KMT2E: variants seen among roughly 807,000 people sequenced by gnomAD.
KMT2E encodes the protein histone reader KMT2E.
A neutral mutation model predicts 184.6 loss-of-function variants in KMT2E; 30 were observed. That is an observed-to-expected ratio of 0.16 (90% CI 0.12 to 0.22). The LOEUF (loss-of-function observed/expected upper bound fraction) is 0.22, where lower values mean the gene tolerates loss of function less well. Among genes scored for constraint, KMT2E ranks in the 10% least tolerant of loss-of-function variants. The pLI, the probability that KMT2E is intolerant of heterozygous loss-of-function variation, is 1.00. For missense variants in KMT2E, 2,023 were observed against 2,237.4 expected, an observed-to-expected ratio of 0.90 and a Z score of 1.93; for synonymous variants, 815 against 776.5, an observed-to-expected ratio of 1.05 and a Z score of -0.82.
chr7:105,073,702 A>G, intron 7 of KMT2E, 25 bp downstream of exon 7: 1 of 1,456,120 alleles, frequency 6.9e-7, no homozygotes, highest in Non-Finnish European at 9.6e-7. Flanking sequence ...CCTACACTAA[A>G]TTAAAATTCG....
intron 6 of KMT2E, among the ~76,000 whole-genome samples, chr7:105,073,382 G>A (rs1430711482): frequency 6.7e-6 from 1 of 148,650 alleles, no homozygotes; most frequent in African/African-American, 2.5e-5. Flanking sequence ...GGGTGATAGG[G>A]TGAGACCCTG....
rs986666840 is a variant in KMT2E at position 105,113,582 on chromosome 7, G to T, written c.*249G>T. On this transcript the variant is annotated 3_prime_UTR_variant, in exon 27 of 27. Coordinates refer to ENST00000311117, the MANE Select transcript of KMT2E (RefSeq NM_182931.3). ...GTTTTTTTCTGGCAGATCTGATGCT[G>T]ATTTGATGCTGTATGATCTTTTTTT... 5.9e-6 allele frequency: 2 copies of T among 341,856 alleles called. No homozygotes were observed. Among genetic ancestry groups the T allele is most frequent in the Non-Finnish European group, 5.3e-6 (1 of 188,044 alleles). 21.2% of individuals were successfully genotyped at this position (341,856 alleles called of 1,614,324 possible). A position where few individuals can be genotyped will look rare whatever the true frequency, so the allele number is the denominator to read the frequency against.
intron 5 of KMT2E, chr7:105,063,989 A>T (rs1345675315): frequency 2.2e-6 from 1 of 454,632 alleles, no homozygotes; most frequent in East Asian, 7.0e-5. Flanking sequence ...TGTTTGTTTG[A>T]CCTGACTCTC....
rs529000968 is a variant in KMT2E, at chr7:105,113,549, T to C, written c.*216T>C. 1 of 492,920 alleles carries C rather than the reference T, an allele frequency of 2.0e-6. No individual in the cohort carries two copies. The highest frequency in any genetic ancestry group is 3.8e-5 in the Admixed American group (1 of 26,070). 30.5% of individuals were successfully genotyped at this position (492,920 alleles called of 1,614,324 possible). A position where few individuals can be genotyped will look rare whatever the true frequency, so the allele number is the denominator to read the frequency against. Reference sequence around the variant, plus strand: ...GGTATCTTTATTTTGTAAGTGAACATTCCAGCTGTTTTTTTCTGGCAGATC... The same window carrying C: ...GGTATCTTTATTTTGTAAGTGAACACTCCAGCTGTTTTTTTCTGGCAGATC... On this transcript the variant is annotated 3_prime_UTR_variant, in exon 27 of 27. Coordinates refer to ENST00000311117, the MANE Select transcript of KMT2E (RefSeq NM_182931.3).
intron 23 of KMT2E, among the ~76,000 whole-genome samples, chr7:105,109,429 TATTC>T (rs771774568): frequency 1.2e-4 from 19 of 152,234 alleles, no homozygotes; most frequent in Admixed American, 3.9e-4. Context: ...CTTGGTAATT[TATTC>T]ATACTTTACA....
intron 1 of KMT2E, among the ~76,000 whole-genome samples, chr7:105,021,296 C>T (rs185791268): frequency 1.2e-4 from 19 of 152,352 alleles, no homozygotes; most frequent in African/African-American, 4.1e-4. Context: ...TTACATCTTA[C>T]ATCATTAAGC....
In KMT2E at chr7:105,112,510, G is replaced by A. The variant is rs201719770; in HGVS notation, c.4754G>A (p.Gly1585Glu). The stretch of plus-strand genomic sequence containing the variant: ...TCTCAACAAACTGTGTTTACATCAG[G>A]ACCAAATCAAGCACTTCCTGGCACC... ...SLSQQTVFTSGPNQALPGTTS... is the reference protein window; with the variant it reads ...SLSQQTVFTSEPNQALPGTTS... Residue 1585 changes from glycine (G) to glutamate (E), a missense_variant, in exon 27 of 27, where the codon GGA becomes GAA. Coordinates refer to ENST00000311117, the MANE Select transcript of KMT2E (RefSeq NM_182931.3). 2.2e-5 allele frequency: 35 copies of A among 1,613,904 alleles called. No individual in the cohort carries two copies. Among genetic ancestry groups the A allele is most frequent in the Non-Finnish European group, 2.6e-5 (31 of 1,180,010 alleles).
At chr7:105,096,550 A>G (rs578182985) in intron 15 of KMT2E, among the ~76,000 whole-genome samples, 18 of 151,632 alleles carry the variant, frequency 1.2e-4, no homozygotes, top group Non-Finnish European at 1.9e-4. Context: ...AGCAGGTATT[A>G]TAGTCTAGTC....
At chr7:105,058,677 A>G (rs1377502020) in intron 3 of KMT2E, among the ~76,000 whole-genome samples, 1 of 152,330 alleles carries the variant, frequency 6.6e-6, no homozygotes, top group South Asian at 2.1e-4. Flanking sequence ...AGGTGACTTC[A>G]TCTACAAATT....
At chr7:105,037,919 C>A (rs990842962) in intron 1 of KMT2E, among the ~76,000 whole-genome samples, 3 of 151,016 alleles carry the variant, frequency 2.0e-5, no homozygotes, top group Admixed American at 2.0e-4. Context: ...TTTCTTTTTC[C>A]AGTTTGATTT....
rs138570000 is a variant in KMT2E at position 105,046,117 on chromosome 7, T to C, written c.71+5094T>C. 5.4e-3 allele frequency among the ~76,000 whole-genome samples: 818 copies of C among 152,308 alleles called. 5 individuals are homozygous for C. The highest frequency in any genetic ancestry group is 9.2e-3 in the Non-Finnish European group (627 of 68,018). ...GCATTACTAGACCACTTAGATGTTCTGTGAGTAGTTCAAACTTAATAAAAT... is the reference window on the plus strand; with the variant it reads ...GCATTACTAGACCACTTAGATGTTCCGTGAGTAGTTCAAACTTAATAAAAT... On this transcript the variant is annotated intron_variant, in intron 3 of 26. Transcript: ENST00000311117.
rs1798907236 is a variant in KMT2E at position 105,106,576 on chromosome 7, A to C, written c.2651A>C (p.Tyr884Ser). 3 of 1,612,822 alleles carry C rather than the reference A, an allele frequency of 1.9e-6. No individual in the cohort carries two copies. The highest frequency in any genetic ancestry group is 2.5e-6 in the Non-Finnish European group (3 of 1,178,888). The change falls in exon 20 of 27, where the codon TAC (tyrosine) becomes TCC (serine). Residue 884 changes from tyrosine to serine, a missense_variant. Around this residue, in one of 8 missense-constraint regions of KMT2E, gnomAD observed 514 missense variants for 621.8 expected, o/e 0.83. Coordinates refer to ENST00000311117, the MANE Select transcript of KMT2E (RefSeq NM_182931.3). ...RRFYQLLDSV[Y>S]SETSTPTPSP... is the part of the protein sequence containing the mutation. ...TTTTATCAGTTGCTAGATTCGGTTT[A>C]CTCAGAAACCTCCACACCTACTCCT...
intron 6 of KMT2E, among the ~76,000 whole-genome samples, chr7:105,072,252 A>C (rs1225289222): frequency 6.6e-6 from 1 of 152,106 alleles, no homozygotes; most frequent in Non-Finnish European, 1.5e-5. Context: ...TGGGAGTTGG[A>C]GCTTGCAGTG....
At position 105,112,166 on chromosome 7, in the gene KMT2E, T is replaced by C; in HGVS notation, c.4410T>C (p.Pro1470=). 2.5e-6 allele frequency: 4 copies of C among 1,614,126 alleles called. No individual in the cohort carries two copies. Among genetic ancestry groups the C allele is most frequent in the Non-Finnish European group, 3.4e-6 (4 of 1,179,998 alleles). The stretch of plus-strand genomic sequence containing the variant: ...ATGGTTATCTTTCACCAAAGCCTCC[T>C]TCACAGCAGTTAGGATCTCCCTACA... ...VQHGYLSPKP[P]SQQLGSPYRP... The change falls in exon 27 of 27, where the codon CCT becomes CCC. Residue 1470 remains proline, a synonymous_variant. Transcript: ENST00000311117.
At chr7:105,050,893 A>AT (rs1326418156) in intron 3 of KMT2E, among the ~76,000 whole-genome samples, 1 of 150,008 alleles carries the variant, frequency 6.7e-6, no homozygotes, top group African/African-American at 2.4e-5. Context: ...AGCCTGGCTA[A>AT]TTTTTTTATT....
chr7:105,112,470 C>T lies in KMT2E; in HGVS notation c.4714C>T (p.Leu1572Phe). ...PSANFQNYNQ[L>F]KGSLSQQTVF... ...TGCAAACTTTCAGAATTATAATCAG[C>T]TCAAAGGTAGTCTTTCTCAACAAAC... The change falls in exon 27 of 27, where the codon CTC becomes TTC. Residue 1572 changes from leucine (L) to phenylalanine (F), a missense_variant. Leu to Phe is a conservative substitution (Grantham distance 22). Coordinates refer to ENST00000311117, the MANE Select transcript of KMT2E (RefSeq NM_182931.3). The T allele has an allele frequency of 6.2e-7, 1 of 1,614,000 alleles. No homozygotes were observed. Among genetic ancestry groups the T allele is most frequent in the Non-Finnish European group, 8.5e-7 (1 of 1,179,998 alleles).
intron 1 of KMT2E, among the ~76,000 whole-genome samples, chr7:105,029,193 G>A (rs1357015301): frequency 6.6e-6 from 1 of 151,996 alleles, no homozygotes; most frequent in East Asian, 1.9e-4. Flanking sequence ...AACCTGGGAG[G>A]CAGAGGTTGC....
chr7:105,043,707 G>A (rs1795984329), intron 3 of KMT2E, among the ~76,000 whole-genome samples: 1 of 152,176 alleles, frequency 6.6e-6, no homozygotes, highest in Admixed American at 6.6e-5. Context: ...CAGAGTAGTG[G>A]TTGTTCTTCC....
intron 13 of KMT2E, among the ~76,000 whole-genome samples, chr7:105,086,408 C>T (rs1437793286): frequency 1.3e-5 from 2 of 152,102 alleles, no homozygotes; most frequent in African/African-American, 4.8e-5. Context: ...TATTGCCTTG[C>T]TGTACTTCTT....
Sources: allele counts gnomAD v4.1 joint callset (sites outside exome capture counted in the v4.1 genomes callset), GRCh38; gene constraint gnomAD v4.1.1; regional missense constraint gnomAD v4.1.1; transcripts MANE v1.5; gene names NCBI Gene and HGNC (gene_info 2026-07-23, HGNC 2026-07-21).